The following WWOX variants were observed in gnomAD, a reference collection of about 807,000 sequenced individuals.
WWOX encodes WW domain containing oxidoreductase.
A neutral mutation model predicts 46.2 loss-of-function variants in WWOX; 69 were observed. That is an observed-to-expected ratio of 1.49 (90% CI 1.23 to 1.82). The LOEUF (loss-of-function observed/expected upper bound fraction) is 1.82, where lower values mean the gene tolerates loss of function less well. WWOX is among the 40% of genes most tolerant of loss of function. The probability of loss-of-function intolerance (pLI) is 0.00; values close to 1 mark genes in which losing one functional copy is unlikely to be tolerated. For missense variants in WWOX, 919 were observed against 542.6 expected (o/e 1.69, Z -6.89); for synonymous variants, 359 against 202.6 (o/e 1.77, Z -6.56).
intron 8 of WWOX, among the ~76,000 whole-genome samples, chr16:78,943,246 A>C (rs1160731319): frequency 6.6e-6 from 1 of 151,326 alleles, no homozygotes; most frequent in African/African-American, 2.5e-5. Context: ...CTTAAAAAAG[A>C]TCCCGGGAGG....
At chr16:78,809,713 T>C (rs1174117682) in intron 8 of WWOX, among the ~76,000 whole-genome samples, 1 of 152,172 alleles carries the variant, frequency 6.6e-6, no homozygotes, top group African/African-American at 2.4e-5. Context: ...CCATGTGGGC[T>C]TTGTTTGACC....
At chr16:78,389,950 A>G (rs1025005935) in intron 6 of WWOX, among the ~76,000 whole-genome samples, 5 of 152,060 alleles carry the variant, frequency 3.3e-5, no homozygotes, top group Non-Finnish European at 7.4e-5. Context: ...AGGTTTCACC[A>G]TGTTGGCCAG....
chr16:78,734,819 G>A (rs1295646480), intron 8 of WWOX, among the ~76,000 whole-genome samples: 2 of 126,130 alleles, frequency 1.6e-5, no homozygotes, highest in African/African-American at 2.9e-5. Context: ...TCTGCCTGAT[G>A]ACTCAGGTGG....
intron 5 of WWOX, among the ~76,000 whole-genome samples, chr16:78,330,799 T>G (rs151084329): frequency 3.9e-5 from 6 of 152,364 alleles, no homozygotes; most frequent in African/African-American, 1.4e-4. Context: ...AAAGGGGAAT[T>G]TAATTTACGA....
intron 8 of WWOX, chr16:78,891,603 A>G (rs2044591658): frequency 6.6e-6 from 1 of 152,204 alleles, no homozygotes; most frequent in Non-Finnish European, 1.5e-5. Flanking sequence ...AATTAATGTG[A>G]GAACACCTTC....
intron 8 of WWOX, among the ~76,000 whole-genome samples, chr16:78,526,839 G>A (rs1372993774): frequency 6.6e-6 from 1 of 152,168 alleles, no homozygotes; most frequent in Non-Finnish European, 1.5e-5. Context: ...CTGGGAGGGA[G>A]GAGCCAGCCT....
intron 8 of WWOX, among the ~76,000 whole-genome samples, chr16:78,483,722 T>A (rs1009998247): frequency 6.6e-6 from 1 of 152,174 alleles, no homozygotes; most frequent in Non-Finnish European, 1.5e-5. Context: ...TAATTCTTTT[T>A]TTCAAATGCA....
intron 8 of WWOX, among the ~76,000 whole-genome samples, chr16:78,589,736 T>C (rs1567664619): frequency 1.3e-5 from 2 of 152,324 alleles, no homozygotes; most frequent in Admixed American, 1.3e-4. Flanking sequence ...TGTGCGACTG[T>C]TTACCTTCTT....
chr16:79,211,034 A>AGAGT (rs1555547724), intron 8 of WWOX, among the ~76,000 whole-genome samples: 2 of 149,602 alleles, frequency 1.3e-5, no homozygotes, highest in African/African-American at 4.9e-5. Flanking sequence ...TATGGTGAGG[A>AGAGT]GTGTGTGTGT....
chr16:78,978,423 A>G lies in WWOX; in HGVS notation c.1057-233185A>G, dbSNP rs553896519. 2.8e-4 allele frequency among the ~76,000 whole-genome samples: 43 copies of G among 152,338 alleles called. No individual in the cohort carries two copies. The South Asian group carries it at 8.5e-3, about 30-fold the overall frequency. On this transcript the variant is annotated intron_variant, in intron 8 of 8. Coordinates refer to ENST00000566780, the MANE Select transcript of WWOX (RefSeq NM_016373.4). ...TTGGGGAAATATCAAACCGTTTTCC[A>G]CAGTGGCTGCACCATGTTGCATTCC...
At chr16:78,756,747 T>C (rs772565505) in intron 8 of WWOX, among the ~76,000 whole-genome samples, 1 of 152,154 alleles carries the variant, frequency 6.6e-6, no homozygotes, top group Non-Finnish European at 1.5e-5. Flanking sequence ...GAATCAAACC[T>C]AAGTTGGGGA....
chr16:79,004,507 A>C (rs763532687), intron 8 of WWOX: 1 of 152,246 alleles, frequency 6.6e-6, no homozygotes, highest in Admixed American at 6.5e-5. Flanking sequence ...GCTGGTTTCT[A>C]TTATAGCCCT....
At position 78,308,830 on chromosome 16, in the gene WWOX, G is replaced by A. The variant is rs1468667934; in HGVS notation, c.517-78030G>A. Reference sequence around the variant, plus strand: ...CCTTTCTACTGATGCCAGGTGTTTAGCTAATAACACTTTTAACCAATTGCC... The same window carrying A: ...CCTTTCTACTGATGCCAGGTGTTTAACTAATAACACTTTTAACCAATTGCC... On this transcript the variant is annotated intron_variant, in intron 5 of 8. Coordinates refer to ENST00000566780, the MANE Select transcript of WWOX (RefSeq NM_016373.4). 2.6e-5 allele frequency among the ~76,000 whole-genome samples: 4 copies of A among 152,108 alleles called. No homozygotes were observed. The East Asian group carries it at 7.7e-4, about 29-fold the overall frequency.
chr16:78,287,152 C>G (rs144173789), intron 5 of WWOX, among the ~76,000 whole-genome samples: 16 of 152,210 alleles, frequency 1.1e-4, no homozygotes, highest in Admixed American at 6.5e-5. Flanking sequence ...TGGCAATCAA[C>G]GCCATAAGGA....
chr16:78,286,605 T>G (rs1418634416), intron 5 of WWOX, among the ~76,000 whole-genome samples: 1 of 152,138 alleles, frequency 6.6e-6, no homozygotes, highest in Non-Finnish European at 1.5e-5. Flanking sequence ...TTTTTTCCCC[T>G]AAGAAATGGA....
intron 6 of WWOX, among the ~76,000 whole-genome samples, chr16:78,400,822 A>G (rs1265884944): frequency 2.6e-5 from 4 of 152,216 alleles, no homozygotes; most frequent in African/African-American, 7.2e-5. Context: ...ATATCAGAAT[A>G]GCACTTTGTT....
At chr16:78,921,266 G>C (rs1476448993) in intron 8 of WWOX, among the ~76,000 whole-genome samples, 1 of 152,130 alleles carries the variant, frequency 6.6e-6, no homozygotes, top group Non-Finnish European at 1.5e-5. Flanking sequence ...AATAGATACA[G>C]CTACGTCAAA....
At chr16:78,614,381 G>C (rs1204086387) in intron 8 of WWOX, among the ~76,000 whole-genome samples, 2 of 152,206 alleles carry the variant, frequency 1.3e-5, no homozygotes, top group African/African-American at 4.8e-5. Context: ...TATCTTCAAT[G>C]CATCATTTAT....
intron 4 of WWOX, among the ~76,000 whole-genome samples, chr16:78,155,280 A>G (rs1013638786): frequency 8.6e-5 from 13 of 151,838 alleles, no homozygotes; most frequent in African/African-American, 3.1e-4. Context: ...GGGAAAGGGA[A>G]GGAAGGAAGG....
Sources: gnomAD v4.1 joint callset for allele counts (sites outside exome capture counted in the v4.1 genomes callset) on GRCh38, gnomAD v4.1.1 for gene constraint, MANE v1.5 for transcripts, NCBI Gene and HGNC (gene_info 2026-07-23, HGNC 2026-07-21) for gene names.